The following KIAA1958 variants were observed in gnomAD, a reference collection of about 807,000 sequenced individuals.
KIAA1958 encodes KIAA1958.
In KIAA1958, 14 loss-of-function variants were observed where a neutral mutation model predicts 47.2. The observed-to-expected ratio is 0.30, with a 90% CI of 0.20 to 0.46. The LOEUF (loss-of-function observed/expected upper bound fraction) is 0.46, where lower values mean the gene tolerates loss of function less well. KIAA1958 is among the 20% of genes least tolerant of loss of function. The pLI is 1.00. For missense variants in KIAA1958, 803 were observed against 909.2 expected (o/e 0.88, Z 1.50); for synonymous variants, 354 against 353.3 (o/e 1.00, Z -0.02).
At chr9:112,638,567 A>G (rs1216778969) in intron 2 of KIAA1958, among the ~76,000 whole-genome samples, 1 of 152,168 alleles carries the variant, frequency 6.6e-6, no homozygotes, top group Non-Finnish European at 1.5e-5. Flanking sequence ...TTGTTATTCT[A>G]CGTGCCTACA....
At chr9:112,566,385 G>A (rs893770666) in intron 1 of KIAA1958, among the ~76,000 whole-genome samples, 1 of 152,018 alleles carries the variant, frequency 6.6e-6, no homozygotes, top group African/African-American at 2.4e-5. Context: ...TGGTTAATAG[G>A]TTCTTTAGAG....
chr9:112,511,273 T>C (rs1397804870), intron 1 of KIAA1958, among the ~76,000 whole-genome samples: 2 of 152,194 alleles, frequency 1.3e-5, no homozygotes, highest in Non-Finnish European at 2.9e-5. Context: ...ACAGACATAC[T>C]GAATCAGAAA....
chr9:112,591,095 T>A (rs987116420), intron 2 of KIAA1958, among the ~76,000 whole-genome samples: 1 of 152,120 alleles, frequency 6.6e-6, no homozygotes, highest in Non-Finnish European at 1.5e-5. Context: ...AGCTTTTTTA[T>A]TTTTTCGAGA....
intron 2 of KIAA1958, among the ~76,000 whole-genome samples, chr9:112,595,060 TAGC>T (rs1329773755): frequency 6.6e-6 from 1 of 152,234 alleles, no homozygotes; most frequent in Non-Finnish European, 1.5e-5. Flanking sequence ...TCACTTAAGT[TAGC>T]AGTGATCAAT....
At chr9:112,617,764 C>G (rs1836431675) in intron 2 of KIAA1958, 2 of 855,746 alleles carry the variant, frequency 2.3e-6, no homozygotes, top group Non-Finnish European at 3.6e-6. Context: ...AAAACTGATT[C>G]CTCCTTTCCC....
At chr9:112,548,670 C>A (rs1312170401) in intron 1 of KIAA1958, among the ~76,000 whole-genome samples, 3 of 152,020 alleles carry the variant, frequency 2.0e-5, no homozygotes, top group Non-Finnish European at 4.4e-5. Flanking sequence ...CTCTTTGGTG[C>A]CTTGGCATAG....
Position 112,660,068 on chromosome 9 carries a change from G to A in KIAA1958, c.2150G>A (p.Ter717=). The A allele has an allele frequency of 6.2e-7, 1 of 1,611,932 alleles. No homozygotes were observed. Reference sequence around the variant, plus strand: ...CTTGGCTCCCACAGCTGCTGCCAGTGAGCCCCCACTGGGGCCCGGCCACTG... The same window carrying A: ...CTTGGCTCCCACAGCTGCTGCCAGTAAGCCCCCACTGGGGCCCGGCCACTG... ...RRLGSHSCCQ[*] is the part of the protein sequence containing the mutation. Residue 717 remains the stop codon, a stop_retained_variant, in exon 4 of 4, where the codon TGA becomes TAA. Coordinates refer to ENST00000337530, the MANE Select transcript of KIAA1958 (RefSeq NM_133465.4).
chr9:112,620,536 C>G (rs1451435320), intron 2 of KIAA1958, among the ~76,000 whole-genome samples: 1 of 152,188 alleles, frequency 6.6e-6, no homozygotes, highest in Non-Finnish European at 1.5e-5. Context: ...TAAGCTGTGA[C>G]CTTTCATCTG....
intron 1 of KIAA1958, among the ~76,000 whole-genome samples, chr9:112,544,504 A>G (rs1191193289): frequency 1.3e-5 from 2 of 152,036 alleles, no homozygotes; most frequent in Admixed American, 1.3e-4. Context: ...TGGTTCAGTT[A>G]TGAATAAATA....
chr9:112,561,845 ACT>A (rs1432718630), intron 1 of KIAA1958, among the ~76,000 whole-genome samples: 4 of 152,268 alleles, frequency 2.6e-5, no homozygotes, highest in Admixed American at 1.3e-4. Context: ...ACAGAGTGAC[ACT>A]CTGTCTCAAA....
intron 1 of KIAA1958, among the ~76,000 whole-genome samples, chr9:112,506,920 G>T (rs1173297259): frequency 6.6e-6 from 1 of 152,084 alleles, no homozygotes; most frequent in East Asian, 1.9e-4. Flanking sequence ...CAGGACCCAG[G>T]TACTTACATA....
chr9:112,557,870 T>C (rs1424035268), intron 1 of KIAA1958, among the ~76,000 whole-genome samples: 1 of 152,232 alleles, frequency 6.6e-6, no homozygotes, highest in East Asian at 1.9e-4. Flanking sequence ...GAAAATGTTA[T>C]AGGAATAAAT....
intron 2 of KIAA1958, among the ~76,000 whole-genome samples, chr9:112,606,142 G>T (rs1423418054): frequency 6.6e-6 from 1 of 152,142 alleles, no homozygotes; most frequent in Non-Finnish European, 1.5e-5. Flanking sequence ...GGGAGAGCAG[G>T]TATCAAGGAT....
chr9:112,525,923 T>C (rs886370811), intron 1 of KIAA1958, among the ~76,000 whole-genome samples: 9 of 1,486 alleles, frequency 6.1e-3, no homozygotes, highest in Non-Finnish European at 1.9e-3. Flanking sequence ...TATTCTTTCT[T>C]CTTCTTCTTC....
At chr9:112,563,511 A>C (rs1194082010) in intron 1 of KIAA1958, among the ~76,000 whole-genome samples, 1 of 152,048 alleles carries the variant, frequency 6.6e-6, no homozygotes, top group East Asian at 1.9e-4. Flanking sequence ...TTTAAATATA[A>C]TTTTTAAATA....
chr9:112,505,360 A>C (rs1834215490), intron 1 of KIAA1958, among the ~76,000 whole-genome samples: 1 of 152,214 alleles, frequency 6.6e-6, no homozygotes, highest in South Asian at 2.1e-4. Flanking sequence ...CGTTTATAAA[A>C]TGAGTATAAT....
intron 2 of KIAA1958, among the ~76,000 whole-genome samples, chr9:112,639,361 G>A (rs1180253237): frequency 6.6e-6 from 1 of 152,040 alleles, no homozygotes; most frequent in African/African-American, 2.4e-5. Context: ...ATAATGCCCT[G>A]CACTGGGCCA....
intron 1 of KIAA1958, among the ~76,000 whole-genome samples, chr9:112,539,162 G>A (rs1370846967): frequency 6.6e-6 from 1 of 152,160 alleles, no homozygotes; most frequent in Non-Finnish European, 1.5e-5. Flanking sequence ...TAAACATAGA[G>A]TTACCATATG....
chr9:112,668,408 C>G lies in KIAA1958; in HGVS notation c.*8339C>G, dbSNP rs1588060760. 6.6e-6 allele frequency: 1 copy of G among 152,214 alleles called. No homozygotes were observed. Among genetic ancestry groups the G allele is most frequent in the Admixed American group, 6.5e-5 (1 of 15,286 alleles). 9.4% of individuals were successfully genotyped at this position (152,214 alleles called of 1,614,324 possible). ...CAGTGAGATGCTTTCCTTAGCTGTACTTGAAGTTTTATGGAACGCCATTTA... is the reference window on the plus strand; with the variant it reads ...CAGTGAGATGCTTTCCTTAGCTGTAGTTGAAGTTTTATGGAACGCCATTTA... On this transcript the variant is annotated 3_prime_UTR_variant, in exon 4 of 4. Transcript: ENST00000337530.
Sources: gnomAD v4.1 joint callset for allele counts (sites outside exome capture counted in the v4.1 genomes callset) on GRCh38, gnomAD v4.1.1 for gene constraint, MANE v1.5 for transcripts, NCBI Gene and HGNC (gene_info 2026-07-23, HGNC 2026-07-21) for gene names.